Variants in SCAI observed in about 807,000 individuals in gnomAD.
The protein encoded by SCAI is suppressor of cancer cell invasion.
Under a neutral mutation model 92.2 loss-of-function variants are expected in SCAI, and 24 were observed. The ratio of observed to expected loss-of-function variants is 0.26; its 90% CI spans 0.19 to 0.37. The LOEUF (loss-of-function observed/expected upper bound fraction) is 0.37. Among genes scored for constraint, SCAI ranks in the 10% least tolerant of loss-of-function variants. SCAI has a pLI of 1.00. For synonymous variants in SCAI, 261 were observed against 258.6 expected, an observed-to-expected ratio of 1.01 and a Z score of -0.09; for missense variants, 450 against 736.2, an observed-to-expected ratio of 0.61 and a Z score of 4.50.
intron 14 of SCAI, among the ~76,000 whole-genome samples, chr9:124,981,272 T>C (rs1831880486): frequency 6.6e-6 from 1 of 152,238 alleles, no homozygotes. Flanking sequence ...TCTCTTGATT[T>C]TCCAAATATA....
chr9:125,124,715 T>C (rs914133046), intron 2 of SCAI, among the ~76,000 whole-genome samples: 1 of 152,216 alleles, frequency 6.6e-6, no homozygotes, highest in African/African-American at 2.4e-5. Context: ...TTTGACCAAA[T>C]GTCTGGGCAC....
At chr9:124,963,955 G>A (rs1441733272) in intron 17 of SCAI, among the ~76,000 whole-genome samples, 1 of 151,434 alleles carries the variant, frequency 6.6e-6, no homozygotes, top group East Asian at 1.9e-4. Context: ...GAAGGAGATG[G>A]AAGGGGAGGC....
intron 6 of SCAI, among the ~76,000 whole-genome samples, chr9:125,024,202 G>A (rs76241900): frequency 0.029 from 4,406 of 151,204 alleles, 226 homozygotes; most frequent in African/African-American, 0.097. Flanking sequence ...TGTTGTCAAC[G>A]TCAACATAAG....
chr9:125,107,906 C>G (rs935938765), intron 2 of SCAI, among the ~76,000 whole-genome samples: 1 of 152,176 alleles, frequency 6.6e-6, no homozygotes, highest in Admixed American at 6.5e-5. Context: ...GTACTGCTGC[C>G]GTCTCCACTC....
chr9:125,086,652 G>C (rs1208904684), intron 2 of SCAI, among the ~76,000 whole-genome samples: 5 of 152,208 alleles, frequency 3.3e-5, no homozygotes, highest in African/African-American at 1.2e-4. Flanking sequence ...ATTATCAGGA[G>C]ATTCTTAATA....
chr9:124,973,121 CG>C, intron 15 of SCAI, among the ~76,000 whole-genome samples: 1 of 152,176 alleles, frequency 6.6e-6, no homozygotes, highest in Non-Finnish European at 1.5e-5. Flanking sequence ...TCATATGTAC[CG>C]TATACACATA....
At chr9:125,040,710 T>C (rs1833302566) in intron 3 of SCAI, among the ~76,000 whole-genome samples, 1 of 152,130 alleles carries the variant, frequency 6.6e-6, no homozygotes, top group Admixed American at 6.6e-5. Context: ...CACCGCAACC[T>C]CTGCCTCCTG....
chr9:125,016,187 A>C (rs201615838), intron 9 of SCAI, among the ~76,000 whole-genome samples: 1 of 21,760 alleles, frequency 4.6e-5, no homozygotes, highest in Admixed American at 5.5e-4. Flanking sequence ...TAATAAAATA[A>C]AATAAAATAA....
intron 14 of SCAI, among the ~76,000 whole-genome samples, chr9:124,986,405 C>A (rs1046663296): frequency 2.0e-5 from 3 of 152,134 alleles, no homozygotes; most frequent in African/African-American, 7.2e-5. Flanking sequence ...GGTTTGAGAG[C>A]AAGTTACACA....
intron 2 of SCAI, among the ~76,000 whole-genome samples, chr9:125,063,096 C>T (rs909020042): frequency 1.6e-5 from 2 of 125,724 alleles, no homozygotes; most frequent in Non-Finnish European, 3.6e-5. Context: ...TTAATTATAA[C>T]CCCCCACCCC....
chr9:124,983,739 C>A (rs1408510989), intron 14 of SCAI, among the ~76,000 whole-genome samples: 4 of 152,204 alleles, frequency 2.6e-5, no homozygotes, highest in Admixed American at 2.0e-4. Flanking sequence ...TATATAATAT[C>A]ACAGAAGGTG....
intron 2 of SCAI, among the ~76,000 whole-genome samples, chr9:125,125,947 C>A (rs1425873361): frequency 1.3e-5 from 2 of 149,498 alleles, no homozygotes; most frequent in African/African-American, 5.0e-5. Flanking sequence ...CACACACACA[C>A]ACATTCTCTC....
intron 17 of SCAI, chr9:124,968,284 G>A (rs533236100): frequency 3.5e-5 from 40 of 1,154,670 alleles, no homozygotes; most frequent in Admixed American, 2.2e-4. Context: ...CCTTAAAACC[G>A]GGCTGGGCAT....
chr9:125,067,580 A>G (rs1384917930), intron 2 of SCAI, among the ~76,000 whole-genome samples: 1 of 152,248 alleles, frequency 6.6e-6, no homozygotes, highest in Non-Finnish European at 1.5e-5. Flanking sequence ...TGAGTCGCTA[A>G]GAAGGAACCA....
At chr9:125,109,307 T>G (rs1834885312) in intron 2 of SCAI, among the ~76,000 whole-genome samples, 1 of 152,084 alleles carries the variant, frequency 6.6e-6, no homozygotes, top group Non-Finnish European at 1.5e-5. Flanking sequence ...TATTGTCCTA[T>G]GACCCTGCCA....
At chr9:124,998,438 G>A (rs1028704581) in intron 13 of SCAI, among the ~76,000 whole-genome samples, 2 of 151,842 alleles carry the variant, frequency 1.3e-5, no homozygotes, top group Admixed American at 6.6e-5. Flanking sequence ...GGGCATGAGA[G>A]CAAGATTCCA....
intron 2 of SCAI, among the ~76,000 whole-genome samples, chr9:125,126,307 G>A (rs1237903318): frequency 6.6e-6 from 1 of 152,100 alleles, no homozygotes; most frequent in East Asian, 1.9e-4. Context: ...TGCCTGGGTG[G>A]CTGTCTTCAC....
chr9:125,017,824 C>A (rs1231025125), intron 9 of SCAI, among the ~76,000 whole-genome samples: 1 of 151,958 alleles, frequency 6.6e-6, no homozygotes, highest in African/African-American at 2.4e-5. Context: ...GCCTGGCCAA[C>A]ATGATGATGC....
chr9:125,107,951 C>G (rs953661330), intron 2 of SCAI, among the ~76,000 whole-genome samples: 1 of 152,206 alleles, frequency 6.6e-6, no homozygotes, highest in Non-Finnish European at 1.5e-5. Flanking sequence ...CCTGTCTCAG[C>G]CTGCCGAACC....
Sources: allele counts gnomAD v4.1 joint callset (sites outside exome capture counted in the v4.1 genomes callset), GRCh38; gene constraint gnomAD v4.1.1; transcripts MANE v1.5; gene names NCBI Gene and HGNC (gene_info 2026-07-23, HGNC 2026-07-21).